Variants in CRYBG1 observed in about 807,000 individuals in gnomAD.
CRYBG1 encodes beta/gamma crystallin domain-containing protein 1.
Under a neutral mutation model 189.2 loss-of-function variants are expected in CRYBG1, and 139 were observed. That is an observed-to-expected ratio of 0.73 (90% CI 0.64 to 0.85). CRYBG1 has a LOEUF of 0.85. Ranked by LOEUF, CRYBG1 falls within the 40% of genes least tolerant of loss-of-function variation. The probability of loss-of-function intolerance (pLI) is 0.00; values close to 1 mark genes in which losing one functional copy is unlikely to be tolerated. For synonymous variants in CRYBG1, 1,023 were observed against 1,017.1 expected, an observed-to-expected ratio of 1.01 and a Z score of -0.11; for missense variants, 2,611 against 2,675.8, an observed-to-expected ratio of 0.98 and a Z score of 0.53.
At chr6:106,539,319 C>T in intron 8 of CRYBG1, 84 bp from the exon 9 acceptor site, 1 of 1,505,356 alleles carries the variant, frequency 6.6e-7, no homozygotes, top group Non-Finnish European at 9.1e-7. Flanking sequence ...TTCTTTTCCT[C>T]TCATCCTGGG....
At chr6:106,395,326 C>G (rs918885252) in intron 1 of CRYBG1, among the ~76,000 whole-genome samples, 1 of 151,678 alleles carries the variant, frequency 6.6e-6, no homozygotes, top group Non-Finnish European at 1.5e-5. Context: ...TACTTTTCCT[C>G]TCATTCTTTT....
intron 2 of CRYBG1, among the ~76,000 whole-genome samples, chr6:106,482,920 G>A (rs2114482579): frequency 6.6e-6 from 1 of 152,234 alleles, no homozygotes; most frequent in South Asian, 2.1e-4. Flanking sequence ...TTCAATGTAT[G>A]CTGTATACTA....
At chr6:106,493,333 T>C (rs1772766473) in intron 2 of CRYBG1, among the ~76,000 whole-genome samples, 1 of 152,128 alleles carries the variant, frequency 6.6e-6, no homozygotes, top group African/African-American at 2.4e-5. Context: ...ATGGCCACTA[T>C]CAAAAAATAA....
At chr6:106,567,553 T>TA (rs1418370025) in intron 21 of CRYBG1, among the ~76,000 whole-genome samples, 1 of 152,224 alleles carries the variant, frequency 6.6e-6, no homozygotes, top group Non-Finnish European at 1.5e-5. Flanking sequence ...ATGCTTTCAA[T>TA]ACCAGTCACT....
intron 10 of CRYBG1, 86 bp downstream of exon 10, chr6:106,541,707 C>A: frequency 1.1e-6 from 1 of 926,356 alleles, no homozygotes. Context: ...GTTATTCCCA[C>A]TCCATCTCTA....
At chr6:106,380,689 C>G (rs1770268566) in intron 1 of CRYBG1, among the ~76,000 whole-genome samples, 1 of 152,086 alleles carries the variant, frequency 6.6e-6, no homozygotes, top group African/African-American at 2.4e-5. Flanking sequence ...GGCTTAGATT[C>G]CTCATTTATA....
chr6:106,462,135 T>A (rs1415272851), intron 2 of CRYBG1, among the ~76,000 whole-genome samples: 1 of 150,550 alleles, frequency 6.6e-6, no homozygotes, highest in African/African-American at 2.5e-5. Flanking sequence ...CTTTTTTTTC[T>A]GAAGTTTTTT....
At chr6:106,462,301 G>C (rs1176040721) in intron 2 of CRYBG1, among the ~76,000 whole-genome samples, 1 of 152,188 alleles carries the variant, frequency 6.6e-6, no homozygotes, top group Non-Finnish European at 1.5e-5. Context: ...CTCCCGAGTA[G>C]CTGGGACTAC....
chr6:106,519,757 C>A lies in CRYBG1; in HGVS notation c.2549C>A (p.Thr850Lys), dbSNP rs377596539. 11 of 1,614,186 alleles carry A rather than the reference C, an allele frequency of 6.8e-6. No individual in the cohort carries two copies. Among genetic ancestry groups the A allele is most frequent in the Non-Finnish European group, 8.5e-6 (10 of 1,180,042 alleles). The change falls in exon 4 of 22, where the codon ACG (threonine) becomes AAG (lysine). Residue 850 changes from threonine (T) to lysine (K), a missense_variant. Thr to Lys is a moderately conservative substitution (Grantham distance 78). Coordinates refer to ENST00000633556, the MANE Select transcript of CRYBG1 (RefSeq NM_001371242.2). The stretch of plus-strand genomic sequence containing the variant: ...GTGGATACCAAAGATTTACCTCCAA[C>A]GGCCATGCCAAAGCCACAGCATACA... The part of the protein sequence containing the change: ...TTVDTKDLPP[T>K]AMPKPQHTFS...
At chr6:106,377,713 G>C (rs1050582807) in intron 1 of CRYBG1, among the ~76,000 whole-genome samples, 2 of 150,874 alleles carry the variant, frequency 1.3e-5, no homozygotes, top group African/African-American at 2.5e-5. Context: ...TTTTAAATAT[G>C]TCTTTGCTGA....
chr6:106,394,883 T>C (rs1770575939), intron 1 of CRYBG1, among the ~76,000 whole-genome samples: 2 of 148,406 alleles, frequency 1.3e-5, no homozygotes, highest in Non-Finnish European at 3.0e-5. Context: ...TTTGAGACAG[T>C]CTTGTTCTAT....
chr6:106,389,557 G>A (rs912547445), intron 1 of CRYBG1, among the ~76,000 whole-genome samples: 1 of 151,966 alleles, frequency 6.6e-6, no homozygotes, highest in Non-Finnish European at 1.5e-5. Context: ...TAAAAAGCAA[G>A]GTGTTGATCT....
intron 1 of CRYBG1, among the ~76,000 whole-genome samples, chr6:106,376,801 A>T (rs1770172760): frequency 6.6e-6 from 1 of 152,168 alleles, no homozygotes; most frequent in Non-Finnish European, 1.5e-5. Flanking sequence ...AACCTGGCTG[A>T]CATCTGAATC....
intron 1 of CRYBG1, among the ~76,000 whole-genome samples, chr6:106,397,190 A>G (rs1770630040): frequency 6.6e-6 from 1 of 152,266 alleles, no homozygotes. Flanking sequence ...GTGTTTTGAT[A>G]CAAGTATATA....
intron 1 of CRYBG1, among the ~76,000 whole-genome samples, chr6:106,440,513 T>A (rs570788733): frequency 6.6e-6 from 1 of 152,190 alleles, no homozygotes; most frequent in South Asian, 2.1e-4. Flanking sequence ...GCGATCCACC[T>A]GCCTCAGCCT....
chr6:106,466,066 T>C (rs955827641), intron 2 of CRYBG1, among the ~76,000 whole-genome samples: 3 of 152,250 alleles, frequency 2.0e-5, no homozygotes, highest in Non-Finnish European at 4.4e-5. Context: ...TTGAACAAGC[T>C]AGTATTCTGA....
At position 106,568,764 on chromosome 6, in the gene CRYBG1, A is replaced by G. The variant is rs1157512664; in HGVS notation, c.*198A>G. On this transcript the variant is annotated 3_prime_UTR_variant, in exon 22 of 22. Transcript: ENST00000633556. ...AGACTATCATAGCTTTAAACCAATA[A>G]TTTGTCCTCCTTTCATTTCTTGCCT... 1 of 472,780 alleles carries G rather than the reference A, an allele frequency of 2.1e-6. No individual in the cohort carries two copies. The highest frequency in any genetic ancestry group is 3.8e-6 in the Non-Finnish European group (1 of 265,084). 29.3% of individuals were successfully genotyped at this position (472,780 alleles called of 1,614,324 possible).
chr6:106,511,327 A>G, intron 2 of CRYBG1, 103 bp from the exon 3 acceptor site: 1 of 1,021,744 alleles, frequency 9.8e-7, no homozygotes, highest in Non-Finnish European at 1.4e-6. Flanking sequence ...TCAATTAGAA[A>G]CTCTGGTCTG....
chr6:106,509,732 C>T (rs1773206365), intron 2 of CRYBG1, among the ~76,000 whole-genome samples: 1 of 151,974 alleles, frequency 6.6e-6, no homozygotes, highest in East Asian at 1.9e-4. Flanking sequence ...TGAAAGGGGC[C>T]CCTGTGGCTG....
Sources: gnomAD v4.1 joint callset for allele counts (sites outside exome capture counted in the v4.1 genomes callset) on GRCh38, gnomAD v4.1.1 for gene constraint, MANE v1.5 for transcripts, NCBI Gene and HGNC (gene_info 2026-07-23, HGNC 2026-07-21) for gene names.